Variants in SLC35F4 observed in about 807,000 individuals in gnomAD.
The protein encoded by SLC35F4 is chromosome 14 open reading frame 36.
SLC35F4 carries 24 observed loss-of-function variants against 44.2 expected under a neutral mutation model. The observed-to-expected ratio is 0.54, with a 90% CI of 0.39 to 0.76. The LOEUF is 0.76. Ranked by LOEUF, SLC35F4 falls within the 30% of genes least tolerant of loss-of-function variation. The probability of loss-of-function intolerance (pLI) is 0.00; values close to 1 mark genes in which losing one functional copy is unlikely to be tolerated. For synonymous variants in SLC35F4, 238 were observed against 223.6 expected, an observed-to-expected ratio of 1.06 and a Z score of -0.57; for missense variants, 562 against 586.1, an observed-to-expected ratio of 0.96 and a Z score of 0.42.
chr14:57,921,001 G>T (rs1219325943), intron 1 of SLC35F4, among the ~76,000 whole-genome samples: 3 of 152,168 alleles, frequency 2.0e-5, no homozygotes, highest in Admixed American at 6.5e-5. Flanking sequence ...AACAATTGAA[G>T]ATGATTTCAT....
At chr14:57,692,913 C>T (rs987929394) in intron 1 of SLC35F4, among the ~76,000 whole-genome samples, 2 of 152,096 alleles carry the variant, frequency 1.3e-5, no homozygotes, top group Non-Finnish European at 2.9e-5. Context: ...GTACACAAGT[C>T]CATTTAGATC....
intron 1 of SLC35F4, among the ~76,000 whole-genome samples, chr14:57,903,607 G>A (rs181170994): frequency 3.5e-4 from 54 of 152,322 alleles, no homozygotes; most frequent in African/African-American, 1.2e-3. Flanking sequence ...CAGCCTTATA[G>A]AAACTGTTTA....
chr14:57,640,415 T>C (rs1363763586), intron 1 of SLC35F4, among the ~76,000 whole-genome samples: 1 of 152,066 alleles, frequency 6.6e-6, no homozygotes, highest in Admixed American at 6.6e-5. Flanking sequence ...AGAGAACACA[T>C]GAGGCTTGAA....
chr14:57,705,849 G>C (rs1034240906), intron 1 of SLC35F4, among the ~76,000 whole-genome samples: 2 of 152,140 alleles, frequency 1.3e-5, no homozygotes, highest in African/African-American at 2.4e-5. Context: ...TTCTTATATA[G>C]ATGTTTCCTC....
chr14:57,944,419 C>T (rs1403211238), intron 1 of SLC35F4, among the ~76,000 whole-genome samples: 1 of 152,124 alleles, frequency 6.6e-6, no homozygotes, highest in South Asian at 2.1e-4. Context: ...TTACAGAGTT[C>T]TTGTTTCCTA....
At chr14:57,729,407 A>G (rs1390059738) in intron 1 of SLC35F4, among the ~76,000 whole-genome samples, 2 of 152,188 alleles carry the variant, frequency 1.3e-5, no homozygotes, top group Non-Finnish European at 2.9e-5. Context: ...CTCCTCGGGT[A>G]TTGCTGTTAG....
At chr14:57,887,349 C>T (rs774060152) in intron 1 of SLC35F4, among the ~76,000 whole-genome samples, 4 of 152,134 alleles carry the variant, frequency 2.6e-5, no homozygotes, top group Non-Finnish European at 5.9e-5. Flanking sequence ...GCTCAGAATG[C>T]TCTCCTCATG....
At chr14:57,599,564 G>A (rs758992355) in intron 1 of SLC35F4, among the ~76,000 whole-genome samples, 1 of 152,198 alleles carries the variant, frequency 6.6e-6, no homozygotes, top group South Asian at 2.1e-4. Flanking sequence ...ATCTGGGGCC[G>A]GGCACGGTGG....
At chr14:57,867,902 T>C (rs1888217029), upstream of SLC35F4, among the ~76,000 whole-genome samples, 1 of 152,140 alleles carries the variant, frequency 6.6e-6, no homozygotes, top group Non-Finnish European at 1.5e-5. Context: ...TGTATACACA[T>C]ACATACACAC....
intron 1 of SLC35F4, among the ~76,000 whole-genome samples, chr14:57,653,457 T>G (rs1309641710): frequency 6.6e-6 from 1 of 152,184 alleles, no homozygotes; most frequent in African/African-American, 2.4e-5. Flanking sequence ...CAGAGATTAA[T>G]GTGGAGACAA....
chr14:57,923,082 G>C (rs1335019794), intron 1 of SLC35F4, among the ~76,000 whole-genome samples: 1 of 152,192 alleles, frequency 6.6e-6, no homozygotes, highest in Non-Finnish European at 1.5e-5. Flanking sequence ...CAGTGGCTTA[G>C]AAAGGTTGAA....
chr14:57,872,765 C>A (rs535534473), intron 1 of SLC35F4, among the ~76,000 whole-genome samples: 80 of 152,306 alleles, frequency 5.3e-4, no homozygotes, highest in African/African-American at 1.8e-3. Context: ...CTCTTGCCCA[C>A]AAGATCGTGC....
chr14:57,970,552 A>G (rs1048663322), intron 1 of SLC35F4, among the ~76,000 whole-genome samples: 1 of 152,220 alleles, frequency 6.6e-6, no homozygotes, highest in African/African-American at 2.4e-5. Context: ...TCATAACAGA[A>G]AACAGTTTAT....
intron 1 of SLC35F4, among the ~76,000 whole-genome samples, chr14:57,683,245 C>T (rs1407542031): frequency 3.9e-5 from 6 of 152,150 alleles, no homozygotes; most frequent in Admixed American, 3.9e-4. Flanking sequence ...TAGATACTTT[C>T]ACAAAGTCAT....
At chr14:57,790,928 C>T (rs1016482792) in intron 1 of SLC35F4, among the ~76,000 whole-genome samples, 4 of 152,172 alleles carry the variant, frequency 2.6e-5, no homozygotes, top group South Asian at 2.1e-4. Context: ...ACTGGCTAGC[C>T]GTATGCGGAA....
chr14:57,861,434 T>C (rs1487773547), intron 1 of SLC35F4, among the ~76,000 whole-genome samples: 1 of 152,238 alleles, frequency 6.6e-6, no homozygotes, highest in Non-Finnish European at 1.5e-5. Context: ...CTCATTTGCA[T>C]GCAGACTTGC....
At chr14:57,951,019 C>A (rs1407597524) in intron 1 of SLC35F4, among the ~76,000 whole-genome samples, 4 of 152,040 alleles carry the variant, frequency 2.6e-5, no homozygotes, top group Admixed American at 2.6e-4. Context: ...GGCAAGATGG[C>A]CAATTGGGAA....
At chr14:57,845,402 C>A (rs540568536) in intron 1 of SLC35F4, among the ~76,000 whole-genome samples, 2 of 152,304 alleles carry the variant, frequency 1.3e-5, no homozygotes, top group Admixed American at 6.5e-5. Flanking sequence ...TATGCTATTG[C>A]TTCGGCAAGG....
Position 57,889,936 on chromosome 14 carries a change from T to C in SLC35F4, n.282+91977A>G, listed in dbSNP as rs556790022. Among the ~76,000 whole-genome samples, 7 of 152,158 alleles carry C rather than the reference T, an allele frequency of 4.6e-5. No homozygotes were observed. The East Asian group carries it at 9.7e-4, about 21-fold the overall frequency. ...TGCAGTGGAGAGCAAAACAGATAAG[T>C]TTTTATCTGCCCTTGTAAAGTTTGT... On this transcript the variant is annotated intron_variant and non_coding_transcript_variant, in intron 1 of 1. Coordinates refer to the SLC35F4 transcript ENST00000556568.
Sources: allele counts gnomAD v4.1 joint callset (sites outside exome capture counted in the v4.1 genomes callset), GRCh38; gene constraint gnomAD v4.1.1; transcripts MANE v1.5; gene names NCBI Gene and HGNC (gene_info 2026-07-23, HGNC 2026-07-21).